Variants in JAKMIP1 observed in about 807,000 individuals in gnomAD.
JAKMIP1 encodes janus kinase and microtubule interacting protein 1, also known as janus kinase and microtubule-interacting protein 1.
In JAKMIP1, 33 loss-of-function variants were observed where a neutral mutation model predicts 113.0. The ratio of observed to expected loss-of-function variants is 0.29; its 90% CI spans 0.22 to 0.39. The LOEUF is 0.39. Ranked by LOEUF, JAKMIP1 falls within the 10% of genes least tolerant of loss-of-function variation. The pLI is 1.00. For missense variants in JAKMIP1, 813 were observed against 1,080.5 expected (o/e 0.75, Z 3.47); for synonymous variants, 480 against 459.9 (o/e 1.04, Z -0.56).
intron 8 of JAKMIP1, among the ~76,000 whole-genome samples, chr4:6,066,680 G>GAA (rs1560133553): frequency 6.6e-6 from 1 of 151,630 alleles, no homozygotes; most frequent in African/African-American, 2.4e-5. Context: ...GCCCTCCCTG[G>GAA]GAGAAACCCT....
intron 1 of JAKMIP1, among the ~76,000 whole-genome samples, chr4:6,144,264 C>T (rs781002097): frequency 8.5e-5 from 13 of 152,294 alleles, no homozygotes; most frequent in South Asian, 2.1e-4. Flanking sequence ...CACCTAGATA[C>T]GTAGAAAAGC....
At chr4:6,037,091 C>T (rs1397109944) in intron 18 of JAKMIP1, among the ~76,000 whole-genome samples, 1 of 144,544 alleles carries the variant, frequency 6.9e-6, no homozygotes, top group African/African-American at 2.8e-5. Flanking sequence ...AGTAGCCCTC[C>T]ATCACTGAGG....
chr4:6,106,201 CCT>C lies in JAKMIP1; in HGVS notation c.130-236_130-235del, dbSNP rs1382951471. ...AGACTTTCCCTGGGGGTGGAAACCC[CCT>C]GAGGATGCTGGAGAGGCATTCAAGC... On this transcript the variant is annotated intron_variant, in intron 2 of 20. Coordinates refer to ENST00000409021, the MANE Select transcript of JAKMIP1 (RefSeq NM_001099433.2). The surrounding 1 kb of genome is among the most constrained non-coding windows in gnomAD (Gnocchi z 5.9). 1.3e-5 allele frequency among the ~76,000 whole-genome samples: 2 copies of C among 152,208 alleles called. No homozygotes were observed. Among genetic ancestry groups the C allele is most frequent in the Non-Finnish European group, 2.9e-5 (2 of 68,030 alleles).
intron 1 of JAKMIP1, among the ~76,000 whole-genome samples, chr4:6,160,265 G>A (rs1722748734): frequency 6.6e-6 from 1 of 152,160 alleles, no homozygotes; most frequent in Non-Finnish European, 1.5e-5. Flanking sequence ...GATTTTTAGA[G>A]TCCTCCCAAA....
At chr4:6,128,966 C>T (rs1718133265) in intron 1 of JAKMIP1, among the ~76,000 whole-genome samples, 1 of 152,268 alleles carries the variant, frequency 6.6e-6, no homozygotes, top group South Asian at 2.1e-4. Context: ...GGCCGTCTCA[C>T]CCGGGCGTCG....
At chr4:6,126,627 CACAA>C (rs1449485117) in intron 1 of JAKMIP1, among the ~76,000 whole-genome samples, 50 of 151,154 alleles carry the variant, frequency 3.3e-4, no homozygotes, top group Admixed American at 2.6e-3. Context: ...CACACACACA[CACAA>C]ACACACACCA....
rs142068094 is a variant in JAKMIP1 at position 6,135,034 on chromosome 4, G to A, written c.-147-22037C>T. 9.4e-4 allele frequency among the ~76,000 whole-genome samples: 141 copies of A among 150,020 alleles called. No individual in the cohort carries two copies. The highest frequency in any genetic ancestry group is 3.3e-3 in the African/African-American group (134 of 40,818). ...GGACATGTAGAGATGGCAGGTGTAGGGCTCGTGTATCTCTGGTCTGGTATC... is the reference window on the plus strand; with the variant it reads ...GGACATGTAGAGATGGCAGGTGTAGAGCTCGTGTATCTCTGGTCTGGTATC... On this transcript the variant is annotated intron_variant, in intron 1 of 20. Transcript: ENST00000409021. This position sits in a 1 kb window ranked among gnomAD's most constrained non-coding sequence, Gnocchi z 4.9.
At chr4:6,103,757 A>C (rs1713460244) in intron 3 of JAKMIP1, among the ~76,000 whole-genome samples, 2 of 152,152 alleles carry the variant, frequency 1.3e-5, no homozygotes, top group South Asian at 4.1e-4. Context: ...GAATATGTTC[A>C]TTTTATCGAG....
intron 18 of JAKMIP1, among the ~76,000 whole-genome samples, chr4:6,036,946 C>G (rs6446437): frequency 7.8e-6 from 1 of 128,670 alleles, no homozygotes; most frequent in African/African-American, 3.8e-5. Context: ...AGAGGCTAAC[C>G]GGTATCCCTC....
chr4:6,095,883 G>C (rs1031702178), intron 3 of JAKMIP1, among the ~76,000 whole-genome samples: 5 of 152,134 alleles, frequency 3.3e-5, no homozygotes, highest in African/African-American at 1.2e-4. Context: ...GATCCTAGTA[G>C]GGGAAAACAC....
intron 12 of JAKMIP1, 96 bp from the exon 13 acceptor site, chr4:6,054,244 C>CAG (rs1357409067): frequency 1.6e-6 from 2 of 1,232,656 alleles, no homozygotes; most frequent in Non-Finnish European, 2.3e-6. Context: ...GGGAAACAGA[C>CAG]GACTGGCCAC....
rs184932685 is a variant in JAKMIP1, at chr4:6,087,496, T to A, written c.625-1867A>T. 1.4e-3 allele frequency among the ~76,000 whole-genome samples: 219 copies of A among 152,232 alleles called. 1 individual carries two copies. The highest frequency in any genetic ancestry group is 1.4e-3 in the Non-Finnish European group (97 of 68,008). On this transcript the variant is annotated intron_variant, in intron 3 of 20. Coordinates refer to ENST00000409021, the MANE Select transcript of JAKMIP1 (RefSeq NM_001099433.2). ...TAGCCCCTAGGTAACACGAGGCTAT[T>A]TTATTTTAAAAGAAGACCACTAAAA...
Position 6,184,051 on chromosome 4 carries a change from A to T in JAKMIP1, c.-148+16202T>A, listed in dbSNP as rs1328826157. 6.6e-6 allele frequency among the ~76,000 whole-genome samples: 1 copy of T among 152,244 alleles called. No homozygotes were observed. The highest frequency in any genetic ancestry group is 2.4e-5 in the African/African-American group (1 of 41,460). ...CTCACTGACTGACCTTATAACTGGT[A>T]AATGTTGTCAGTTTAAAGTCATAAG... On this transcript the variant is annotated intron_variant, in intron 1 of 20. Transcript: ENST00000409021. The surrounding 1 kb of genome is among the most constrained non-coding windows in gnomAD (Gnocchi z 4.5).
intron 8 of JAKMIP1, 32 bp downstream of exon 8, chr4:6,078,907 A>G (rs1299600353): frequency 6.2e-7 from 1 of 1,612,640 alleles, no homozygotes; most frequent in African/African-American, 1.3e-5. Context: ...ACACAGCGGC[A>G]AGGTAGGGCA....
rs976207065 is a variant in JAKMIP1, at chr4:6,137,605, C to G, written c.-147-24608G>C. Among the ~76,000 whole-genome samples the G allele has an allele frequency of 1.3e-5, 2 of 152,222 alleles. No homozygotes were observed. On this transcript the variant is annotated intron_variant, in intron 1 of 20. Coordinates refer to ENST00000409021, the MANE Select transcript of JAKMIP1 (RefSeq NM_001099433.2). This position sits in a 1 kb window ranked among gnomAD's most constrained non-coding sequence, Gnocchi z 4.5. ...TTTTTCAGCCAATCCACACTCTCTC[C>G]GCACCTGGAGGCAATGACCCCCACA... is the stretch of plus-strand genomic sequence containing the variant.
chr4:6,137,935 C>A lies in JAKMIP1; in HGVS notation c.-147-24938G>T, dbSNP rs561315406. Among the ~76,000 whole-genome samples, 1 of 151,942 alleles carries A rather than the reference C, an allele frequency of 6.6e-6. No individual in the cohort carries two copies. The highest frequency in any genetic ancestry group is 1.9e-4 in the East Asian group (1 of 5,160). On this transcript the variant is annotated intron_variant, in intron 1 of 20. Transcript: ENST00000409021. The surrounding 1 kb of genome is among the most constrained non-coding windows in gnomAD (Gnocchi z 4.5). ...AGGTGTGCTCTGGCGTTGGGGGTCC[C>A]ACCATGGCCTTCTCCTTCCTGGCTT...
chr4:6,066,565 G>A (rs570860003), intron 8 of JAKMIP1, among the ~76,000 whole-genome samples: 27 of 151,976 alleles, frequency 1.8e-4, no homozygotes, highest in Non-Finnish European at 3.2e-4. Flanking sequence ...CCCCAACACC[G>A]CACCTCCCGC....
chr4:6,092,516 T>G (rs577281033), intron 3 of JAKMIP1, among the ~76,000 whole-genome samples: 1 of 152,346 alleles, frequency 6.6e-6, no homozygotes, highest in African/African-American at 2.4e-5. Flanking sequence ...TTTAAGCCAT[T>G]GAGAGAACAT....
rs544843018 is a variant in JAKMIP1 at position 6,162,589 on chromosome 4, G to A, written c.-148+37664C>T. 7.9e-5 allele frequency among the ~76,000 whole-genome samples: 12 copies of A among 152,282 alleles called. No individual in the cohort carries two copies. Among genetic ancestry groups the A allele is most frequent in the Admixed American group, 3.3e-4 (5 of 15,294 alleles). ...TTGCACAAGGCAGTCATGTCAACAG[G>A]GCAAAGGCACCATCTCGTTCAACCT... is the stretch of plus-strand genomic sequence containing the variant. On this transcript the variant is annotated intron_variant, in intron 1 of 20. Transcript: ENST00000409021. The surrounding 1 kb of genome is among the most constrained non-coding windows in gnomAD (Gnocchi z 5.6).
Sources: allele counts gnomAD v4.1 joint callset (sites outside exome capture counted in the v4.1 genomes callset), GRCh38; gene constraint gnomAD v4.1.1; non-coding constraint Gnocchi (gnomAD v3.1); transcripts MANE v1.5; gene names NCBI Gene and HGNC (gene_info 2026-07-23, HGNC 2026-07-21).